Variants in VSTM4 observed in about 807,000 individuals in gnomAD.
VSTM4 encodes the protein V-set and transmembrane domain-containing protein 4.
A neutral mutation model predicts 36.4 loss-of-function variants in VSTM4; 20 were observed. The ratio of observed to expected loss-of-function variants is 0.55; its 90% CI spans 0.39 to 0.80. The LOEUF (loss-of-function observed/expected upper bound fraction) is 0.80. Among genes scored for constraint, VSTM4 ranks in the 30% least tolerant of loss-of-function variants. The pLI, the probability that VSTM4 is intolerant of heterozygous loss-of-function variation, is 0.00. For missense variants in VSTM4, 392 were observed against 404.5 expected (o/e 0.97, Z 0.26); for synonymous variants, 182 against 173.9 (o/e 1.05, Z -0.37).
At chr10:49,047,282 G>A (rs2131958923) in intron 6 of VSTM4, among the ~76,000 whole-genome samples, 1 of 152,256 alleles carries the variant, frequency 6.6e-6, no homozygotes, top group Admixed American at 6.5e-5. Context: ...ATAAAACTCT[G>A]CCAGCTACAT....
At chr10:49,075,568 G>A (rs1844161771) in intron 4 of VSTM4, among the ~76,000 whole-genome samples, 1 of 152,262 alleles carries the variant, frequency 6.6e-6, no homozygotes, top group Admixed American at 6.5e-5. Flanking sequence ...GTTGAGAACA[G>A]GAAAAAGCTG....
intron 1 of VSTM4, among the ~76,000 whole-genome samples, chr10:49,109,686 T>C (rs916460150): frequency 2.5e-4 from 38 of 152,262 alleles, no homozygotes; most frequent in African/African-American, 6.3e-4. Context: ...GAAAAAGGGT[T>C]AAGGCTCAGC....
chr10:49,108,089 A>C (rs2132027909), intron 1 of VSTM4, 94 bp from the exon 2 acceptor site: 1 of 1,436,436 alleles, frequency 7.0e-7, no homozygotes, highest in East Asian at 2.5e-5. Context: ...GCCTCCACGC[A>C]CTGGGCATCC....
chr10:49,040,350 T>C (rs1005058156), intron 7 of VSTM4, among the ~76,000 whole-genome samples: 3 of 151,926 alleles, frequency 2.0e-5, no homozygotes, highest in Admixed American at 2.0e-4. Flanking sequence ...TGGTGTGATC[T>C]CGGCTCATTG....
chr10:49,019,705 C>T lies in VSTM4; in HGVS notation c.908G>A (p.Gly303Asp). Reference protein sequence around the residue: ...ELIKPHRAAKGAPTSTVYAQI... With the variant: ...ELIKPHRAAKDAPTSTVYAQI... ...GGCGTAGACAGTGCTGGTGGGGGCG[C>T]CTTTGGCAGCCCGGTGGGGTTTGAT... Residue 303 changes from glycine to aspartate, a missense_variant, in exon 8 of 8, where the codon GGC (glycine) becomes GAC (aspartate). Gly to Asp is a moderately conservative substitution (Grantham distance 94). Transcript: ENST00000332853. 6.2e-7 allele frequency: 1 copy of T among 1,614,000 alleles called. No individual in the cohort carries two copies. The highest frequency in any genetic ancestry group is 8.5e-7 in the Non-Finnish European group (1 of 1,179,980).
chr10:49,091,001 G>A (rs183310289), intron 2 of VSTM4, among the ~76,000 whole-genome samples: 143 of 140,362 alleles, frequency 1.0e-3, no homozygotes, highest in African/African-American at 3.6e-3. Context: ...TGCTGGGGTG[G>A]GGGGTGGGGA....
rs78338200 is a variant in VSTM4 at position 49,057,670 on chromosome 10, G to T, written c.668+7033C>A. ...ACACTGGGCCTGAGTGCTTGGATGC[G>T]GTGGGGACATGACAAGGTAGTAATG... On this transcript the variant is annotated intron_variant, in intron 5 of 7. Coordinates refer to ENST00000332853, the MANE Select transcript of VSTM4 (RefSeq NM_001031746.5). 9.2e-3 allele frequency among the ~76,000 whole-genome samples: 1,400 copies of T among 152,270 alleles called. 35 individuals are homozygous for T. Among genetic ancestry groups the T allele is most frequent in the South Asian group, 0.054 (261 of 4,826 alleles).
At chr10:49,100,083 T>G (rs1370228452) in intron 2 of VSTM4, among the ~76,000 whole-genome samples, 2 of 136,302 alleles carry the variant, frequency 1.5e-5, no homozygotes, top group African/African-American at 7.6e-5. Context: ...AGAGATATTA[T>G]CAGGGCAATC....
intron 7 of VSTM4, among the ~76,000 whole-genome samples, chr10:49,030,118 A>C (rs1014755684): frequency 6.6e-6 from 1 of 152,212 alleles, no homozygotes; most frequent in Non-Finnish European, 1.5e-5. Flanking sequence ...ATAGGTGAAA[A>C]TATGCAGCTG....
chr10:49,053,901 G>A (rs1564575276), intron 5 of VSTM4, among the ~76,000 whole-genome samples: 1 of 152,202 alleles, frequency 6.6e-6, no homozygotes, highest in Non-Finnish European at 1.5e-5. Context: ...AGCCACTCCA[G>A]AACACCAGGC....
intron 7 of VSTM4, among the ~76,000 whole-genome samples, chr10:49,031,590 T>C (rs1455416762): frequency 3.3e-5 from 5 of 152,256 alleles, no homozygotes; most frequent in African/African-American, 7.2e-5. Context: ...TGAACACCAC[T>C]GTGTCTCAGG....
At chr10:49,058,393 G>A (rs1466495026) in intron 5 of VSTM4, among the ~76,000 whole-genome samples, 5 of 152,150 alleles carry the variant, frequency 3.3e-5, no homozygotes, top group African/African-American at 7.2e-5. Context: ...GGGGGATTTC[G>A]TTTTCACTCC....
At chr10:49,106,093 A>T (rs1170887252) in intron 2 of VSTM4, among the ~76,000 whole-genome samples, 1 of 152,178 alleles carries the variant, frequency 6.6e-6, no homozygotes, top group Non-Finnish European at 1.5e-5. Flanking sequence ...ACATTACAAC[A>T]AGCAAACTCC....
intron 7 of VSTM4, among the ~76,000 whole-genome samples, chr10:49,023,884 G>A (rs544758973): frequency 2.6e-5 from 4 of 152,290 alleles, no homozygotes; most frequent in South Asian, 2.1e-4. Flanking sequence ...CACTCTTAAC[G>A]ACTGTAAATT....
At chr10:49,021,593 T>A (rs2137920) in intron 7 of VSTM4, among the ~76,000 whole-genome samples, 102,824 of 151,958 alleles carry the variant, frequency 0.68, 36,601 homozygotes, top group Non-Finnish European at 0.8. Flanking sequence ...AATGCAAGCA[T>A]CTCGGACACA....
chr10:49,061,389 TGG>T (rs1370501191), intron 5 of VSTM4, among the ~76,000 whole-genome samples: 1 of 152,176 alleles, frequency 6.6e-6, no homozygotes, highest in Non-Finnish European at 1.5e-5. Flanking sequence ...CTGTCTCAAT[TGG>T]GCACCATTGG....
chr10:49,071,305 G>T (rs962778958), intron 4 of VSTM4, among the ~76,000 whole-genome samples: 4 of 152,198 alleles, frequency 2.6e-5, no homozygotes, highest in African/African-American at 9.7e-5. Context: ...GGACTAATTC[G>T]CGAACAAGCA....
At chr10:49,096,533 T>C (rs961204352) in intron 2 of VSTM4, among the ~76,000 whole-genome samples, 6 of 152,086 alleles carry the variant, frequency 3.9e-5, no homozygotes, top group African/African-American at 1.4e-4. Flanking sequence ...CCACTCCATC[T>C]AAAAGCAGGA....
At chr10:49,103,791 A>T in intron 2 of VSTM4, 1 of 1,614,164 alleles carries the variant, frequency 6.2e-7, no homozygotes, top group Non-Finnish European at 8.5e-7. Context: ...GGTGAAGGGC[A>T]AAGAGTGAGG....
Sources: gnomAD v4.1 joint callset for allele counts (sites outside exome capture counted in the v4.1 genomes callset) on GRCh38, gnomAD v4.1.1 for gene constraint, MANE v1.5 for transcripts, NCBI Gene and HGNC (gene_info 2026-07-23, HGNC 2026-07-21) for gene names.